Variants in NR6A1 observed in about 807,000 individuals in gnomAD.
The protein encoded by NR6A1 is nuclear receptor subfamily 6 group A member 1, also known as retinoic acid receptor-related testis-associated receptor.
A neutral mutation model predicts 59.1 loss-of-function variants in NR6A1; 7 were observed. That is an observed-to-expected ratio of 0.12 (90% confidence interval 0.07 to 0.22). NR6A1 has a LOEUF of 0.22. NR6A1 is among the 10% of genes least tolerant of loss of function. The pLI is 1.00. For synonymous variants in NR6A1, 243 were observed against 236.1 expected, an observed-to-expected ratio of 1.03 and a Z score of -0.27; for missense variants, 468 against 611.6, an observed-to-expected ratio of 0.77 and a Z score of 2.48.
intron 2 of NR6A1, among the ~76,000 whole-genome samples, chr9:124,667,693 T>C (rs1837666407): frequency 6.6e-6 from 1 of 152,218 alleles, no homozygotes; most frequent in Non-Finnish European, 1.5e-5. Flanking sequence ...ATAGAAAGCA[T>C]GTCTTTCCTC....
At chr9:124,698,524 G>A (rs1045764312) in intron 2 of NR6A1, 1 of 152,176 alleles carries the variant, frequency 6.6e-6, no homozygotes, top group African/African-American at 2.4e-5. Flanking sequence ...GCCTATTCAT[G>A]TTCTCCTCTC....
intron 2 of NR6A1, among the ~76,000 whole-genome samples, chr9:124,640,912 C>T (rs529644371): frequency 5.3e-5 from 8 of 152,218 alleles, no homozygotes; most frequent in Non-Finnish European, 7.4e-5. Flanking sequence ...TTCAAAATAA[C>T]CTTTTAAATT....
chr9:124,693,678 G>A, intron 2 of NR6A1: 1 of 533,104 alleles, frequency 1.9e-6, no homozygotes, highest in South Asian at 1.4e-5. Flanking sequence ...GTCAGCCAGG[G>A]AGGGCAAAGG....
At chr9:124,716,630 TTTA>T (rs555988276) in intron 2 of NR6A1, among the ~76,000 whole-genome samples, 13 of 152,150 alleles carry the variant, frequency 8.5e-5, no homozygotes, top group Non-Finnish European at 1.8e-4. Context: ...GAATTTCTTT[TTTA>T]TTTATTTATG....
intron 2 of NR6A1, among the ~76,000 whole-genome samples, chr9:124,729,728 G>A (rs893348668): frequency 9.2e-5 from 14 of 152,210 alleles, no homozygotes; most frequent in African/African-American, 3.4e-4. Context: ...CAGTCTTGAT[G>A]CTTCCTATCA....
At chr9:124,536,629 C>T (rs529167693) in intron 6 of NR6A1, among the ~76,000 whole-genome samples, 1 of 150,494 alleles carries the variant, frequency 6.6e-6, no homozygotes, top group African/African-American at 2.4e-5. Context: ...TGCGCTAATG[C>T]ACTTCAGCCT....
At chr9:124,611,392 C>T (rs540704772) in intron 2 of NR6A1, among the ~76,000 whole-genome samples, 2 of 152,080 alleles carry the variant, frequency 1.3e-5, no homozygotes, top group South Asian at 2.1e-4. Flanking sequence ...GGGAAGAGAT[C>T]CCCCAGAGTA....
chr9:124,761,529 G>C (rs1840784264), intron 1 of NR6A1, among the ~76,000 whole-genome samples: 1 of 152,124 alleles, frequency 6.6e-6, no homozygotes, highest in Admixed American at 6.5e-5. Context: ...ACTCACACTA[G>C]GAAAGGATAT....
intron 2 of NR6A1, among the ~76,000 whole-genome samples, chr9:124,704,751 G>C (rs79110491): frequency 4.0e-5 from 6 of 151,838 alleles, no homozygotes; most frequent in East Asian, 1.9e-4. Flanking sequence ...TTTTGTGTGT[G>C]GGGGGGAAGA....
intron 1 of NR6A1, among the ~76,000 whole-genome samples, chr9:124,742,417 C>T (rs1331959660): frequency 3.3e-5 from 5 of 151,832 alleles, no homozygotes; most frequent in East Asian, 3.9e-4. Context: ...CAAAATTAGC[C>T]GGGTGTGGTG....
chr9:124,538,224 C>A lies in NR6A1; in HGVS notation c.692G>T (p.Ser231Ile). ...PHYQYIPHLF[S>I]YSGHSPLLPQ... is the part of the protein sequence containing the mutation. Reference sequence around the variant, plus strand: ...CAGAAGTGGTGAGTGGCCAGAATAGCTAAAAAGGTGCGGTATATATTGGTA... The same window carrying A: ...CAGAAGTGGTGAGTGGCCAGAATAGATAAAAAGGTGCGGTATATATTGGTA... Residue 231 changes from serine to isoleucine, a missense_variant, in exon 6 of 10, where the codon AGC becomes ATC. Ser to Ile is a moderately radical substitution (Grantham distance 142, BLOSUM62 -2). Transcript: ENST00000487099. 1 of 1,614,098 alleles carries A rather than the reference C, an allele frequency of 6.2e-7. No homozygotes were observed. Among genetic ancestry groups the A allele is most frequent in the Non-Finnish European group, 8.5e-7 (1 of 1,180,014 alleles).
At chr9:124,584,567 T>C (rs1367575307) in intron 2 of NR6A1, among the ~76,000 whole-genome samples, 1 of 152,198 alleles carries the variant, frequency 6.6e-6, no homozygotes, top group Non-Finnish European at 1.5e-5. Context: ...ATATCTGTTA[T>C]GGTCATCTGT....
At chr9:124,729,137 T>A (rs570266015) in intron 2 of NR6A1, among the ~76,000 whole-genome samples, 7 of 152,288 alleles carry the variant, frequency 4.6e-5, no homozygotes, top group African/African-American at 1.7e-4. Context: ...TAGTGATGGA[T>A]CGTATCATAA....
At chr9:124,652,088 T>C (rs779000598) in intron 2 of NR6A1, among the ~76,000 whole-genome samples, 3 of 152,240 alleles carry the variant, frequency 2.0e-5, no homozygotes, top group Non-Finnish European at 4.4e-5. Flanking sequence ...GAAAAGCGAC[T>C]GCATGAAGAC....
chr9:124,754,405 C>T lies in NR6A1; in HGVS notation c.100+16615G>A, dbSNP rs112421270. On this transcript the variant is annotated intron_variant, in intron 1 of 9. Transcript: ENST00000487099. ...TTCATATTGATGAGACAGTTAATTA[C>T]CTTTTAAGGATTTCTGCCAAGTCAG... is the stretch of plus-strand genomic sequence containing the variant. Among the ~76,000 whole-genome samples the T allele has an allele frequency of 8.4e-3, 1,274 of 152,192 alleles. 16 individuals carry two copies. Among genetic ancestry groups the T allele is most frequent in the African/African-American group, 0.029 (1,216 of 41,532 alleles).
At chr9:124,532,996 C>A (rs1278927968) in intron 7 of NR6A1, among the ~76,000 whole-genome samples, 1 of 152,188 alleles carries the variant, frequency 6.6e-6, no homozygotes, top group African/African-American at 2.4e-5. Context: ...CTGCCTTGGT[C>A]TTGGGGCTTA....
chr9:124,610,651 T>C (rs1241759934), intron 2 of NR6A1, among the ~76,000 whole-genome samples: 1 of 152,154 alleles, frequency 6.6e-6, no homozygotes, highest in Non-Finnish European at 1.5e-5. Flanking sequence ...TTTTCAATTG[T>C]TTGGAATAGT....
At chr9:124,689,092 T>C (rs1353961559) in intron 2 of NR6A1, among the ~76,000 whole-genome samples, 1 of 152,214 alleles carries the variant, frequency 6.6e-6, no homozygotes, top group East Asian at 1.9e-4. Flanking sequence ...TTGTTTTAAC[T>C]ATAAAAGAAC....
At chr9:124,590,774 G>A (rs1054145994) in intron 2 of NR6A1, among the ~76,000 whole-genome samples, 1 of 152,138 alleles carries the variant, frequency 6.6e-6, no homozygotes, top group Non-Finnish European at 1.5e-5. Flanking sequence ...TCCTGAGAAA[G>A]GGCTATCAAA....
Sources: allele counts gnomAD v4.1 joint callset (sites outside exome capture counted in the v4.1 genomes callset), GRCh38; gene constraint gnomAD v4.1.1; transcripts MANE v1.5; gene names NCBI Gene and HGNC (gene_info 2026-07-23, HGNC 2026-07-21).